Variants in PCDH15 observed in about 807,000 individuals in gnomAD.
The protein encoded by PCDH15 is protocadherin-15.
A neutral mutation model predicts 178.5 loss-of-function variants in PCDH15; 129 were observed. That is an observed-to-expected ratio of 0.72 (90% CI 0.63 to 0.84). The LOEUF (loss-of-function observed/expected upper bound fraction) is 0.84, where lower values mean the gene tolerates loss of function less well. PCDH15 is among the 40% of genes least tolerant of loss of function. The probability of loss-of-function intolerance (pLI) is 0.00; values close to 1 mark genes in which losing one functional copy is unlikely to be tolerated. For missense variants in PCDH15, 2,230 were observed against 2,099.9 expected, an observed-to-expected ratio of 1.06 and a Z score of -1.21; for synonymous variants, 800 against 732.0, an observed-to-expected ratio of 1.09 and a Z score of -1.50.
chr10:55,603,899 A>G (rs1315814850), intron 2 of PCDH15, among the ~76,000 whole-genome samples: 21 of 147,738 alleles, frequency 1.4e-4, no homozygotes, highest in Admixed American at 4.1e-4. Flanking sequence ...TAACAGTATT[A>G]ACTTTAAATG....
Position 55,038,908 on chromosome 10 carries a change from T to TA in PCDH15, c.-80+127667dup, listed in dbSNP as rs554887269. 7.9e-5 allele frequency among the ~76,000 whole-genome samples: 12 copies of TA among 151,992 alleles called. No individual in the cohort carries two copies. In the East Asian group the frequency reaches 2.1e-3, roughly 27 times the overall value. ...TAAATCAGGAATGGGAATAAAAGAG[T>TA]AAAAAAAGAATAGTTTATTCCGCTT... On this transcript the variant is annotated intron_variant, in intron 2 of 5. Transcript: ENST00000458638.
intron 2 of PCDH15, chr10:55,599,169 C>T (rs1015042444): frequency 3.3e-5 from 5 of 152,100 alleles, no homozygotes; most frequent in South Asian, 2.1e-4. Flanking sequence ...GAGCTCTAGC[C>T]AAGTCCCCCA....
intron 2 of PCDH15, among the ~76,000 whole-genome samples, chr10:55,450,900 A>G (rs965648080): frequency 5.3e-5 from 8 of 150,370 alleles, no homozygotes; most frequent in African/African-American, 2.0e-4. Context: ...AAATATGAAT[A>G]AAACATGTGA....
At position 54,356,806 on chromosome 10, in the gene PCDH15, T is replaced by C. The variant is rs113367470; in HGVS notation, c.475-10322A>G. On this transcript the variant is annotated intron_variant, in intron 5 of 37. Transcript: ENST00000644397. ...AACAGGACATTAGGTAAAAAGCTTA[T>C]CCACCATGATCAAGTGGGATTCATC... is the stretch of plus-strand genomic sequence containing the variant. Among the ~76,000 whole-genome samples, 1,149 of 152,174 alleles carry C rather than the reference T, an allele frequency of 7.6e-3. 14 individuals carry two copies. The highest frequency in any genetic ancestry group is 0.026 in the African/African-American group (1,086 of 41,528).
chr10:54,315,238 T>C (rs189222232), intron 8 of PCDH15, among the ~76,000 whole-genome samples: 2 of 152,322 alleles, frequency 1.3e-5, no homozygotes, highest in East Asian at 3.9e-4. Context: ...TTTGACTGAC[T>C]GTGCAATGGT....
intron 1 of PCDH15, among the ~76,000 whole-genome samples, chr10:55,275,155 T>A (rs1842555616): frequency 1.3e-5 from 2 of 151,696 alleles, no homozygotes; most frequent in Non-Finnish European, 2.9e-5. Flanking sequence ...TATTTTTTCT[T>A]CAATTTTGCA....
chr10:54,661,327 A>G (rs1356859981), intron 2 of PCDH15, among the ~76,000 whole-genome samples: 2 of 152,008 alleles, frequency 1.3e-5, no homozygotes, highest in African/African-American at 4.8e-5. Context: ...CTAGAAATAT[A>G]TTTAACAAAG....
At chr10:55,119,371 A>G (rs777900095) in intron 2 of PCDH15, among the ~76,000 whole-genome samples, 2 of 151,832 alleles carry the variant, frequency 1.3e-5, no homozygotes, top group Non-Finnish European at 2.9e-5. Context: ...TTCCTCCTAC[A>G]TTTTGCTGGA....
intron 1 of PCDH15, among the ~76,000 whole-genome samples, chr10:54,733,519 T>A (rs973871637): frequency 6.6e-6 from 1 of 151,604 alleles, no homozygotes; most frequent in Non-Finnish European, 1.5e-5. Context: ...GATGACTTAT[T>A]AATGAGATAA....
Position 55,584,009 on chromosome 10 carries a change from C to G in PCDH15, c.-156+43616G>C, listed in dbSNP as rs796788723. On this transcript the variant is annotated intron_variant, in intron 2 of 5. Transcript: ENST00000613346. ...CTTCCCACCTCAGCCTCCCCAGTAGCTGGGACTACAGGGTCATGCCACTGT... is the reference window on the plus strand; with the variant it reads ...CTTCCCACCTCAGCCTCCCCAGTAGGTGGGACTACAGGGTCATGCCACTGT... 1.6e-4 allele frequency among the ~76,000 whole-genome samples: 24 copies of G among 152,088 alleles called. No individual in the cohort carries two copies. The South Asian group carries it at 2.5e-3, about 16-fold the overall frequency.
chr10:54,970,921 C>T (rs574479505), intron 2 of PCDH15, among the ~76,000 whole-genome samples: 13 of 152,210 alleles, frequency 8.5e-5, no homozygotes, highest in Admixed American at 8.5e-4. Context: ...TATGTTTGTT[C>T]CACCATTGAG....
At chr10:54,972,360 T>A (rs1315247232) in intron 2 of PCDH15, among the ~76,000 whole-genome samples, 4 of 149,910 alleles carry the variant, frequency 2.7e-5, no homozygotes. Flanking sequence ...GACAACAGGG[T>A]GAAACCCCAT....
At chr10:55,097,733 T>G (rs76785853) in intron 2 of PCDH15, among the ~76,000 whole-genome samples, 6,180 of 152,118 alleles carry the variant, frequency 0.041, 304 homozygotes, top group East Asian at 0.15. Context: ...GATGGATAGA[T>G]AGATAAAACA....
chr10:55,054,983 A>G (rs1336311738), intron 2 of PCDH15, among the ~76,000 whole-genome samples: 1 of 152,048 alleles, frequency 6.6e-6, no homozygotes, highest in African/African-American at 2.4e-5. Flanking sequence ...TATGTTGTTG[A>G]GAGATTCTTT....
intron 13 of PCDH15, among the ~76,000 whole-genome samples, chr10:54,155,400 C>T (rs979925616): frequency 3.3e-5 from 5 of 152,062 alleles, no homozygotes; most frequent in African/African-American, 1.2e-4. Context: ...ACACAATTAG[C>T]TCTGCAGAAA....
intron 8 of PCDH15, among the ~76,000 whole-genome samples, chr10:54,295,010 G>T (rs1187269626): frequency 6.6e-6 from 1 of 152,120 alleles, no homozygotes; most frequent in Non-Finnish European, 1.5e-5. Flanking sequence ...TTCATAGTGT[G>T]GTCATGATGG....
At chr10:53,905,378 G>A (rs949340529) in intron 25 of PCDH15, 3 of 416,244 alleles carry the variant, frequency 7.2e-6, no homozygotes, top group African/African-American at 6.2e-5. Context: ...CTGTCGCCCA[G>A]GCTGGAGTGC....
chr10:55,176,515 A>G (rs1288766803), intron 1 of PCDH15, among the ~76,000 whole-genome samples: 5 of 152,112 alleles, frequency 3.3e-5, no homozygotes, highest in Admixed American at 3.3e-4. Context: ...CAGAGACAAG[A>G]TCCCAAAAAC....
intron 2 of PCDH15, among the ~76,000 whole-genome samples, chr10:54,635,298 ATTTGC>A (rs1432053707): frequency 2.6e-5 from 4 of 151,642 alleles, no homozygotes; most frequent in Non-Finnish European, 4.4e-5. Context: ...TTTAGCTGAG[ATTTGC>A]TTCAAAAACT....
Sources: allele counts gnomAD v4.1 joint callset (sites outside exome capture counted in the v4.1 genomes callset), GRCh38; gene constraint gnomAD v4.1.1; transcripts MANE v1.5; gene names NCBI Gene and HGNC (gene_info 2026-07-23, HGNC 2026-07-21).